The following TMPRSS15 variants were observed in gnomAD, a reference collection of about 807,000 sequenced individuals.
The protein encoded by TMPRSS15 is enteropeptidase.
Under a neutral mutation model 125.3 loss-of-function variants are expected in TMPRSS15, and 128 were observed. That is an observed-to-expected ratio of 1.02 (90% CI 0.89 to 1.18). TMPRSS15 has a LOEUF of 1.18. TMPRSS15 is among the 50% of genes most tolerant of loss of function. The probability of loss-of-function intolerance (pLI) is 0.00; values close to 1 mark genes in which losing one functional copy is unlikely to be tolerated. For synonymous variants in TMPRSS15, 446 were observed against 423.2 expected, an observed-to-expected ratio of 1.05 and a Z score of -0.66; for missense variants, 1,283 against 1,212.7, an observed-to-expected ratio of 1.06 and a Z score of -0.86.
Position 18,395,895 on chromosome 21 carries a change from T to C in TMPRSS15, c.344+1984A>G, listed in dbSNP as rs145812013. On this transcript the variant is annotated intron_variant, in intron 3 of 24. Transcript: ENST00000284885. ...TATTCAGGTTTTATAGGTCGCAGTG[T>C]CTTGAAAACCCATAGGGAGGCTGTT... Among the ~76,000 whole-genome samples the C allele has an allele frequency of 1.2e-4, 19 of 152,340 alleles. No homozygotes were observed. The East Asian group carries it at 3.7e-3, about 29-fold the overall frequency.
chr21:18,340,431 G>A (rs1342761336), intron 13 of TMPRSS15, among the ~76,000 whole-genome samples: 1 of 152,114 alleles, frequency 6.6e-6, no homozygotes, highest in African/African-American at 2.4e-5. Flanking sequence ...TACTTTTGAG[G>A]TTTGGGGACT....
At chr21:18,484,159 C>G (rs1979034995) in intron 1 of TMPRSS15, among the ~76,000 whole-genome samples, 1 of 151,770 alleles carries the variant, frequency 6.6e-6, no homozygotes, top group Non-Finnish European at 1.5e-5. Flanking sequence ...TATTTGCTTT[C>G]TGGTGAACTA....
intron 7 of TMPRSS15, among the ~76,000 whole-genome samples, chr21:18,360,664 G>A (rs549153644): frequency 7.2e-5 from 11 of 152,146 alleles, no homozygotes; most frequent in East Asian, 5.8e-4. Flanking sequence ...TTGCCAGTAC[G>A]TTACAGTTTT....
chr21:18,397,300 C>A (rs2824802), intron 3 of TMPRSS15, among the ~76,000 whole-genome samples: 40,658 of 151,816 alleles, frequency 0.27, 5,675 homozygotes, highest in East Asian at 0.47. Context: ...GTGACAAATA[C>A]AAAAGCTAAT....
At chr21:18,321,234 G>A (rs1317952771) in intron 16 of TMPRSS15, among the ~76,000 whole-genome samples, 1 of 151,136 alleles carries the variant, frequency 6.6e-6, no homozygotes, top group Non-Finnish European at 1.5e-5. Flanking sequence ...ATAGTACAAA[G>A]AAAATAAGAT....
chr21:18,275,779 T>G (rs1000686082), intron 23 of TMPRSS15, among the ~76,000 whole-genome samples: 3 of 152,212 alleles, frequency 2.0e-5, no homozygotes, highest in African/African-American at 4.8e-5. Flanking sequence ...TGGTGCTATG[T>G]GAGTGAGCAG....
At chr21:18,397,569 T>C (rs1236030681) in intron 3 of TMPRSS15, among the ~76,000 whole-genome samples, 1 of 152,152 alleles carries the variant, frequency 6.6e-6, no homozygotes, top group East Asian at 1.9e-4. Flanking sequence ...TTTTATTAAA[T>C]GACAAGCAAG....
intron 1 of TMPRSS15, among the ~76,000 whole-genome samples, chr21:18,402,585 C>T (rs1176255716): frequency 1.3e-5 from 2 of 148,454 alleles, no homozygotes; most frequent in Non-Finnish European, 3.0e-5. Flanking sequence ...TAAAGTTCAT[C>T]ATTTTAAAAA....
intron 1 of TMPRSS15, among the ~76,000 whole-genome samples, chr21:18,441,889 C>T (rs1288596592): frequency 6.6e-6 from 1 of 151,824 alleles, no homozygotes; most frequent in Non-Finnish European, 1.5e-5. Context: ...CAGGCTTTCA[C>T]CATGTCGGCC....
intron 8 of TMPRSS15, among the ~76,000 whole-genome samples, chr21:18,356,423 C>T (rs1199949011): frequency 1.3e-5 from 2 of 151,510 alleles, no homozygotes; most frequent in Non-Finnish European, 3.0e-5. Context: ...TAGTCTGGGG[C>T]CAAGTGCTGA....
Position 18,420,739 on chromosome 21 carries a change from C to A in TMPRSS15, c.11-22410G>T, listed in dbSNP as rs551419865. On this transcript the variant is annotated intron_variant, in intron 1 of 7. Coordinates refer to the TMPRSS15 transcript ENST00000422787. Reference sequence around the variant, plus strand: ...TTGGCACTGAGGATGATACTGCCTGCGAGATTCACAATGTAGATGTCACTT... The same window carrying A: ...TTGGCACTGAGGATGATACTGCCTGAGAGATTCACAATGTAGATGTCACTT... Among the ~76,000 whole-genome samples, 22 of 152,172 alleles carry A rather than the reference C, an allele frequency of 1.4e-4. No individual in the cohort carries two copies. In the South Asian group the frequency reaches 4.6e-3, roughly 32 times the overall value.
intron 13 of TMPRSS15, among the ~76,000 whole-genome samples, chr21:18,336,670 C>T (rs1327851197): frequency 6.6e-6 from 1 of 152,080 alleles, no homozygotes; most frequent in African/African-American, 2.4e-5. Context: ...TTTGTTTTGT[C>T]TTGTTTTGAG....
At chr21:18,277,138 C>A (rs1039271039) in intron 23 of TMPRSS15, among the ~76,000 whole-genome samples, 1 of 152,080 alleles carries the variant, frequency 6.6e-6, no homozygotes, top group Non-Finnish European at 1.5e-5. Context: ...GTGAAACTTA[C>A]CATCACTCAA....
At chr21:18,347,217 CATTCGGCAT>C (rs1390061322) in intron 10 of TMPRSS15, among the ~76,000 whole-genome samples, 2 of 151,924 alleles carry the variant, frequency 1.3e-5, no homozygotes, top group African/African-American at 2.4e-5. Flanking sequence ...TCTCTGATGT[CATTCGGCAT>C]ATTCTGTCAT....
chr21:18,281,260 C>T (rs768573856), intron 21 of TMPRSS15, 39 bp from the exon 22 acceptor site: 3 of 1,553,840 alleles, frequency 1.9e-6, no homozygotes, highest in Non-Finnish European at 2.7e-6. Flanking sequence ...CACTCTCCAT[C>T]CAAAGCAGTT....
At chr21:18,276,986 A>G (rs113729061) in intron 23 of TMPRSS15, among the ~76,000 whole-genome samples, 43,000 of 151,574 alleles carry the variant, frequency 0.28, 8,633 homozygotes, top group African/African-American at 0.57. Flanking sequence ...GGCTGGTCTC[A>G]AACTCCTGAC....
chr21:18,315,114 C>T (rs766326542), intron 17 of TMPRSS15, 32 bp downstream of exon 17: 1 of 1,548,140 alleles, frequency 6.5e-7, no homozygotes, highest in African/African-American at 1.4e-5. Context: ...AGGCTAAAGT[C>T]ATAAAAGTAT....
rs538782002 is a variant in TMPRSS15, at chr21:18,451,852, A to G, written c.10+33947T>C. Among the ~76,000 whole-genome samples the G allele has an allele frequency of 3.6e-4, 55 of 152,328 alleles. 1 individual carries two copies. Among genetic ancestry groups the G allele is most frequent in the African/African-American group, 1.1e-3 (47 of 41,576 alleles). Reference sequence around the variant, plus strand: ...TAGAGCCAAAGATGATTGTCAATCAATGTCAAAGTTCACAGTCATGGCATG... The same window carrying G: ...TAGAGCCAAAGATGATTGTCAATCAGTGTCAAAGTTCACAGTCATGGCATG... On this transcript the variant is annotated intron_variant, in intron 1 of 7. Transcript: ENST00000422787.
chr21:18,272,013 G>T (rs907437948), intron 24 of TMPRSS15, among the ~76,000 whole-genome samples: 1 of 152,088 alleles, frequency 6.6e-6, no homozygotes, highest in Non-Finnish European at 1.5e-5. Flanking sequence ...CCAAGTCTTT[G>T]CTATTGTAAA....
Sources: allele counts gnomAD v4.1 joint callset (sites outside exome capture counted in the v4.1 genomes callset), GRCh38; gene constraint gnomAD v4.1.1; transcripts MANE v1.5; gene names NCBI Gene and HGNC (gene_info 2026-07-23, HGNC 2026-07-21).